LSAMP: variants seen among roughly 807,000 people sequenced by gnomAD.
LSAMP encodes limbic system-associated membrane protein.
LSAMP carries 7 observed loss-of-function variants against 38.6 expected under a neutral mutation model. That is an observed-to-expected ratio of 0.18 (90% CI 0.10 to 0.34). The LOEUF (loss-of-function observed/expected upper bound fraction) is 0.34. LSAMP is among the 10% of genes least tolerant of loss of function. The probability of loss-of-function intolerance (pLI) is 1.00; values close to 1 mark genes in which losing one functional copy is unlikely to be tolerated. For missense variants in LSAMP, 313 were observed against 420.0 expected, an observed-to-expected ratio of 0.75 and a Z score of 2.23; for synonymous variants, 154 against 166.8, an observed-to-expected ratio of 0.92 and a Z score of 0.59.
At chr3:116,384,822 T>C (rs578094528) in intron 1 of LSAMP, among the ~76,000 whole-genome samples, 1 of 152,296 alleles carries the variant, frequency 6.6e-6, no homozygotes, top group Admixed American at 6.5e-5. Flanking sequence ...TCACACTATT[T>C]TATAAGTAAT....
chr3:116,023,609 A>G (rs1179684648), intron 2 of LSAMP, among the ~76,000 whole-genome samples: 2 of 151,514 alleles, frequency 1.3e-5, no homozygotes, highest in African/African-American at 4.8e-5. Context: ...CGTCTCAAAA[A>G]AAAAAAAAAA....
rs1452133743 is a variant in LSAMP at position 115,854,273 on chromosome 3, A to AT, written c.515-1657dup. Among the ~76,000 whole-genome samples the AT allele has an allele frequency of 1.7e-3, 207 of 119,476 alleles. 2 individuals are homozygous for AT. Among genetic ancestry groups the AT allele is most frequent in the Middle Eastern group, 8.8e-3 (2 of 226 alleles). 78.4% of individuals were successfully genotyped at this position (119,476 alleles called of 152,430 possible). A position where few individuals can be genotyped will look rare whatever the true frequency, so the allele number is the denominator to read the frequency against. Reference sequence around the variant, plus strand: ...AAATATTATTATTATTATTATTATTATTATTATTATTTTTTTTTTTTTTTT... The same window carrying AT: ...AAATATTATTATTATTATTATTATTATTTATTATTATTTTTTTTTTTTTTTT... On this transcript the variant is annotated intron_variant, in intron 3 of 6. Coordinates refer to ENST00000490035, the MANE Select transcript of LSAMP (RefSeq NM_002338.5).
At chr3:115,850,376 TGAA>T (rs1305238214) in intron 4 of LSAMP, among the ~76,000 whole-genome samples, 1 of 152,140 alleles carries the variant, frequency 6.6e-6, no homozygotes, top group African/African-American at 2.4e-5. Flanking sequence ...CTAATTAAGA[TGAA>T]GGTCAATTAA....
At chr3:116,136,135 AC>A (rs1247175545) in intron 1 of LSAMP, among the ~76,000 whole-genome samples, 19 of 152,156 alleles carry the variant, frequency 1.2e-4, no homozygotes, top group African/African-American at 4.6e-4. Flanking sequence ...TTTTAAAACC[AC>A]CCATTTCTTT....
intron 3 of LSAMP, among the ~76,000 whole-genome samples, chr3:115,935,703 A>AT (rs1937677458): frequency 6.6e-6 from 1 of 152,146 alleles, no homozygotes; most frequent in Admixed American, 6.5e-5. Context: ...GAGTGGCAGG[A>AT]TGGGGGTATG....
In LSAMP at chr3:115,806,544, T is replaced by C. The variant is rs1933634772; in HGVS notation, c.*3773A>G. On this transcript the variant is annotated 3_prime_UTR_variant, in exon 7 of 7. Transcript: ENST00000490035. The stretch of plus-strand genomic sequence containing the variant: ...GTTTAGCTTTTGTGTGCAAAGGAGG[T>C]AAGTCCATTTTTGGAGGAGAAACAG... The C allele has an allele frequency of 6.6e-6, 1 of 152,114 alleles. No homozygotes were observed. Among genetic ancestry groups the C allele is most frequent in the Non-Finnish European group, 1.5e-5 (1 of 68,022 alleles). The allele number at this position is 152,114 out of a possible 1,614,324, so 9.4% of individuals were successfully genotyped here.
At chr3:115,862,143 A>G (rs796811546) in intron 3 of LSAMP, among the ~76,000 whole-genome samples, 4 of 152,316 alleles carry the variant, frequency 2.6e-5, no homozygotes, top group African/African-American at 9.6e-5. Context: ...GGACAGAGTC[A>G]GTAACAAACA....
At chr3:116,239,262 A>G (rs1271348120) in intron 1 of LSAMP, among the ~76,000 whole-genome samples, 1 of 152,170 alleles carries the variant, frequency 6.6e-6, no homozygotes, top group Non-Finnish European at 1.5e-5. Flanking sequence ...TCAAGTAGGA[A>G]CACACAGCCA....
chr3:116,245,930 C>T (rs1313404524), intron 1 of LSAMP, among the ~76,000 whole-genome samples: 1 of 152,124 alleles, frequency 6.6e-6, no homozygotes, highest in Non-Finnish European at 1.5e-5. Context: ...TAAAAAAAGT[C>T]CCAAAGTAGG....
At chr3:115,983,934 G>C (rs935085322) in intron 3 of LSAMP, among the ~76,000 whole-genome samples, 1 of 152,146 alleles carries the variant, frequency 6.6e-6, no homozygotes, top group Admixed American at 6.6e-5. Context: ...CATTTACACA[G>C]AAATAGAGGT....
chr3:115,855,611 C>A (rs982528284), intron 3 of LSAMP, among the ~76,000 whole-genome samples: 2 of 152,316 alleles, frequency 1.3e-5, no homozygotes, highest in African/African-American at 4.8e-5. Flanking sequence ...TGCAAACCAA[C>A]TATCGGCAGG....
At chr3:116,089,573 G>A (rs1193703458) in intron 1 of LSAMP, among the ~76,000 whole-genome samples, 1 of 152,048 alleles carries the variant, frequency 6.6e-6, no homozygotes, top group African/African-American at 2.4e-5. Flanking sequence ...TAGCCAGGAT[G>A]GTCTCAATCT....
chr3:116,084,885 G>A (rs1707953288), intron 2 of LSAMP, among the ~76,000 whole-genome samples: 1 of 151,838 alleles, frequency 6.6e-6, no homozygotes, highest in Non-Finnish European at 1.5e-5. Flanking sequence ...TGTTCTAAGT[G>A]ATCCTAAGTA....
intron 1 of LSAMP, among the ~76,000 whole-genome samples, chr3:116,277,120 G>A (rs1046712669): frequency 5.3e-5 from 8 of 152,100 alleles, no homozygotes; most frequent in African/African-American, 1.9e-4. Context: ...AATAGAACAT[G>A]GCCTCTGATA....
At chr3:116,065,376 A>G (rs145778186) in intron 2 of LSAMP, among the ~76,000 whole-genome samples, 214 of 152,322 alleles carry the variant, frequency 1.4e-3, no homozygotes, top group African/African-American at 4.8e-3. Context: ...TTGCAGCTAT[A>G]TATAATATTT....
intron 1 of LSAMP, among the ~76,000 whole-genome samples, chr3:116,444,033 T>C: frequency 6.6e-6 from 1 of 152,148 alleles, no homozygotes; most frequent in African/African-American, 2.4e-5. Context: ...CAAATTTCAA[T>C]CTCAAATTAT....
chr3:116,126,880 A>C (rs1468124355), intron 1 of LSAMP, among the ~76,000 whole-genome samples: 2 of 150,144 alleles, frequency 1.3e-5, no homozygotes, highest in Non-Finnish European at 2.9e-5. Context: ...AACAAAAACA[A>C]AAGAATCCAG....
At chr3:115,872,557 G>A (rs1437023102) in intron 3 of LSAMP, among the ~76,000 whole-genome samples, 2 of 151,960 alleles carry the variant, frequency 1.3e-5, no homozygotes, top group East Asian at 1.9e-4. Context: ...GATAGGAGAT[G>A]GGAAAGAAAA....
At chr3:116,293,862 A>G (rs2047297639) in intron 1 of LSAMP, among the ~76,000 whole-genome samples, 1 of 152,116 alleles carries the variant, frequency 6.6e-6, no homozygotes, top group African/African-American at 2.4e-5. Context: ...TGAATGCACA[A>G]ATAAACACTA....
Sources: allele counts gnomAD v4.1 joint callset (sites outside exome capture counted in the v4.1 genomes callset), GRCh38; gene constraint gnomAD v4.1.1; transcripts MANE v1.5; gene names NCBI Gene and HGNC (gene_info 2026-07-23, HGNC 2026-07-21).